The following RTN4R variants were observed in gnomAD, a reference collection of about 807,000 sequenced individuals.
The protein encoded by RTN4R is reticulon-4 receptor.
A neutral mutation model predicts 27.7 loss-of-function variants in RTN4R; 4 were observed. The observed-to-expected ratio is 0.14, with a 90% CI of 0.07 to 0.33. RTN4R has a LOEUF of 0.33. RTN4R is among the 10% of genes least tolerant of loss of function. RTN4R has a pLI of 1.00. For missense variants in RTN4R, 554 were observed against 671.5 expected (o/e 0.83, Z 1.93); for synonymous variants, 290 against 305.6 (o/e 0.95, Z 0.53).
At chr22:20,267,556 C>T (rs1190614440) in intron 1 of RTN4R, 1 of 465,540 alleles carries the variant, frequency 2.1e-6, no homozygotes, top group Middle Eastern at 3.3e-4. Context: ...CAACCCTGTC[C>T]CCCACGCCCT....
rs1455427608 is a variant in RTN4R, at chr22:20,268,094, G to A, written c.-2C>T. 14 of 1,193,312 alleles carry A rather than the reference G, an allele frequency of 1.2e-5. No individual in the cohort carries two copies. Among genetic ancestry groups the A allele is most frequent in the African/African-American group, 1.6e-5 (1 of 61,718 alleles). The allele number at this position is 1,193,312 out of a possible 1,614,324, so 73.9% of individuals were successfully genotyped here. On this transcript the variant is annotated 5_prime_UTR_variant, in exon 1 of 2. The change creates a new upstream start codon in the 5' untranslated region. Transcript: ENST00000043402. Reference sequence around the variant, plus strand: ...ACCTCCAGCGGACGCCCTCTTCATCGTAGGGGTTGGGCGGGGCGCGTCGGG... The same window carrying A: ...ACCTCCAGCGGACGCCCTCTTCATCATAGGGGTTGGGCGGGGCGCGTCGGG...
intron 1 of RTN4R, among the ~76,000 whole-genome samples, chr22:20,262,847 A>G (rs1404849101): frequency 6.6e-6 from 1 of 152,234 alleles, no homozygotes. Flanking sequence ...GACTTCTGGC[A>G]TGTCCCCGAG....
At chr22:20,246,801 C>T (rs930744884) in intron 1 of RTN4R, among the ~76,000 whole-genome samples, 3 of 152,254 alleles carry the variant, frequency 2.0e-5, no homozygotes, top group African/African-American at 2.4e-5. Context: ...CTTTCATCCA[C>T]GCACAGCTTG....
At chr22:20,256,894 T>C (rs890644749) in intron 1 of RTN4R, among the ~76,000 whole-genome samples, 1 of 152,240 alleles carries the variant, frequency 6.6e-6, no homozygotes, top group African/African-American at 2.4e-5. Context: ...TCCCACGGTC[T>C]CCTTGACACC....
intron 1 of RTN4R, among the ~76,000 whole-genome samples, chr22:20,261,742 C>T (rs1183272693): frequency 6.6e-6 from 1 of 152,230 alleles, no homozygotes; most frequent in Non-Finnish European, 1.5e-5. Flanking sequence ...GTGTGGCTGT[C>T]CCACCCTTCA....
chr22:20,256,222 G>C (rs1398367702), intron 1 of RTN4R, among the ~76,000 whole-genome samples: 1 of 152,174 alleles, frequency 6.6e-6, no homozygotes, highest in Non-Finnish European at 1.5e-5. Context: ...CTCTGTCTGG[G>C]ACCCACGCCA....
intron 1 of RTN4R, chr22:20,267,475 A>G (rs1281102095): frequency 2.8e-6 from 1 of 361,434 alleles, no homozygotes; most frequent in Non-Finnish European, 5.7e-6. Context: ...AAGCCTCTCA[A>G]TGTCCCTCGG....
chr22:20,252,908 C>A (rs916625256), intron 1 of RTN4R, among the ~76,000 whole-genome samples: 4 of 152,160 alleles, frequency 2.6e-5, no homozygotes, highest in African/African-American at 7.2e-5. Context: ...GCACCTACCT[C>A]CCCCCAGGAC....
At chr22:20,245,856 C>T (rs1355371557) in intron 1 of RTN4R, among the ~76,000 whole-genome samples, 2 of 152,200 alleles carry the variant, frequency 1.3e-5, no homozygotes, top group Non-Finnish European at 2.9e-5. Context: ...CCCTTGCACA[C>T]GGGGTGAGCA....
intron 1 of RTN4R, among the ~76,000 whole-genome samples, chr22:20,259,525 G>T (rs373579713): frequency 6.6e-6 from 1 of 152,098 alleles, no homozygotes; most frequent in Non-Finnish European, 1.5e-5. Flanking sequence ...AGCTCGCCCC[G>T]CAGTCCACCT....
chr22:20,268,199 C>A lies in RTN4R; in HGVS notation c.-107G>T. 1 of 376,192 alleles carries A rather than the reference C, an allele frequency of 2.7e-6. No homozygotes were observed. The highest frequency in any genetic ancestry group is 3.8e-6 in the Non-Finnish European group (1 of 263,638). The allele number at this position is 376,192 out of a possible 1,614,324, so 23.3% of individuals were successfully genotyped here. A position where few individuals can be genotyped will look rare whatever the true frequency, so the allele number is the denominator to read the frequency against. ...CAGGCGCCGCCGCTACGGCCCGGCCCCGGCCCGGCCGCGGGACGAGGCTCG... is the reference window on the plus strand; with the variant it reads ...CAGGCGCCGCCGCTACGGCCCGGCCACGGCCCGGCCGCGGGACGAGGCTCG... On this transcript the variant is annotated 5_prime_UTR_variant, in exon 1 of 2. Coordinates refer to ENST00000043402, the MANE Select transcript of RTN4R (RefSeq NM_023004.6).
intron 1 of RTN4R, among the ~76,000 whole-genome samples, chr22:20,251,123 A>G (rs1042321183): frequency 1.3e-5 from 2 of 152,106 alleles, no homozygotes. Context: ...TGCACCTTGT[A>G]TCAGGGACTC....
chr22:20,265,899 G>T (rs2051274088), intron 1 of RTN4R, among the ~76,000 whole-genome samples: 1 of 152,186 alleles, frequency 6.6e-6, no homozygotes, highest in African/African-American at 2.4e-5. Flanking sequence ...CCTGACCACT[G>T]GCCCATGGTG....
intron 1 of RTN4R, among the ~76,000 whole-genome samples, chr22:20,263,134 C>T (rs969147091): frequency 5.9e-5 from 9 of 152,230 alleles, no homozygotes; most frequent in African/African-American, 1.4e-4. Context: ...ATTTGCACAT[C>T]GCCTCAAATT....
chr22:20,254,057 T>C (rs574416961), intron 1 of RTN4R, among the ~76,000 whole-genome samples: 4 of 152,100 alleles, frequency 2.6e-5, no homozygotes, highest in Non-Finnish European at 5.9e-5. Flanking sequence ...AGTCCTCCAC[T>C]GGGCATTCAC....
chr22:20,255,334 G>A lies in RTN4R; in HGVS notation c.23-12224C>T, dbSNP rs541624151. Among the ~76,000 whole-genome samples, 8 of 152,184 alleles carry A rather than the reference G, an allele frequency of 5.3e-5. No individual in the cohort carries two copies. Among genetic ancestry groups the A allele is most frequent in the Non-Finnish European group, 1.0e-4 (7 of 67,998 alleles). ...AGACAAATGTAGGTTAGAAGCAGGT[G>A]TCTCCAAGGTGCAGGAGGAGAGCGA... On this transcript the variant is annotated intron_variant, in intron 1 of 1. Coordinates refer to ENST00000043402, the MANE Select transcript of RTN4R (RefSeq NM_023004.6). The surrounding 1 kb of genome is among the most constrained non-coding windows in gnomAD (Gnocchi z 4.8).
intron 1 of RTN4R, among the ~76,000 whole-genome samples, chr22:20,265,527 A>T (rs1488556065): frequency 6.6e-6 from 1 of 152,106 alleles, no homozygotes. Flanking sequence ...CAGCAGAAGG[A>T]CCCTGGCACG....
intron 1 of RTN4R, among the ~76,000 whole-genome samples, chr22:20,253,848 A>G (rs1030605170): frequency 6.6e-6 from 1 of 152,194 alleles, no homozygotes; most frequent in Non-Finnish European, 1.5e-5. Flanking sequence ...TAAAATTAAA[A>G]AAAAAATCAA....
Position 20,241,903 on chromosome 22 carries a change from G to T in RTN4R, c.1230C>A (p.Thr410=). Residue 410 remains threonine (T), a synonymous_variant, in exon 2 of 2, where the codon ACC becomes ACA. Transcript: ENST00000043402. ...PEGSEPPGFP[T]SGPRRRPGCS... ...AGCCTGGCCTCCGGCGAGGGCCCGA[G>T]GTGGGGAACCCTGGTGGCTCGGAGC... is the stretch of plus-strand genomic sequence containing the variant. The T allele has an allele frequency of 1.2e-6, 2 of 1,606,090 alleles. No individual in the cohort carries two copies. The highest frequency in any genetic ancestry group is 1.7e-6 in the Non-Finnish European group (2 of 1,176,824).
Sources: gnomAD v4.1 joint callset for allele counts (sites outside exome capture counted in the v4.1 genomes callset) on GRCh38, gnomAD v4.1.1 for gene constraint, Gnocchi (gnomAD v3.1) non-coding constraint, MANE v1.5 for transcripts, NCBI Gene and HGNC (gene_info 2026-07-23, HGNC 2026-07-21) for gene names.